The following PAPSS1 variants were observed in gnomAD, a reference collection of about 807,000 sequenced individuals.
PAPSS1 encodes bifunctional 3'-phosphoadenosine 5'-phosphosulfate synthase 1.
In PAPSS1, 50 loss-of-function variants were observed where a neutral mutation model predicts 72.0. The ratio of observed to expected loss-of-function variants is 0.69; its 90% CI spans 0.55 to 0.88. The LOEUF is 0.88. Ranked by LOEUF, PAPSS1 falls within the 40% of genes least tolerant of loss-of-function variation. PAPSS1 has a pLI of 0.00. For synonymous variants in PAPSS1, 261 were observed against 263.6 expected (o/e 0.99, Z 0.09); for missense variants, 657 against 782.2 (o/e 0.84, Z 1.91).
At chr4:107,669,152 C>G (rs1295100465) in intron 5 of PAPSS1, among the ~76,000 whole-genome samples, 1 of 152,134 alleles carries the variant, frequency 6.6e-6, no homozygotes, top group African/African-American at 2.4e-5. Flanking sequence ...TTTGCTACCC[C>G]TGGATAGAGG....
At chr4:107,709,410 G>A (rs1311154138) in intron 1 of PAPSS1, among the ~76,000 whole-genome samples, 1 of 152,148 alleles carries the variant, frequency 6.6e-6, no homozygotes, top group Non-Finnish European at 1.5e-5. Context: ...AACTTTGGGA[G>A]AAATTTAGTT....
chr4:107,691,733 C>A (rs1432336500), intron 3 of PAPSS1, among the ~76,000 whole-genome samples: 1 of 152,106 alleles, frequency 6.6e-6, no homozygotes, highest in Non-Finnish European at 1.5e-5. Flanking sequence ...TTCCTTGTGT[C>A]CCCACTAGGA....
At chr4:107,701,462 C>T (rs895000460) in intron 1 of PAPSS1, among the ~76,000 whole-genome samples, 177 bp from the exon 2 acceptor site, 4 of 151,944 alleles carry the variant, frequency 2.6e-5, no homozygotes, top group Non-Finnish European at 2.9e-5. Flanking sequence ...CACATGCCAA[C>T]TGATTTAATC....
At chr4:107,672,183 C>T (rs1345752559) in intron 5 of PAPSS1, among the ~76,000 whole-genome samples, 1 of 152,122 alleles carries the variant, frequency 6.6e-6, no homozygotes, top group African/African-American at 2.4e-5. Flanking sequence ...ACTGAGGCAC[C>T]GGGCGCATCT....
intron 5 of PAPSS1, among the ~76,000 whole-genome samples, chr4:107,669,945 C>T (rs1344553575): frequency 6.6e-6 from 1 of 152,180 alleles, no homozygotes; most frequent in African/African-American, 2.4e-5. Flanking sequence ...GATGCAGAAT[C>T]CAACATGTCC....
intron 1 of PAPSS1, among the ~76,000 whole-genome samples, chr4:107,703,173 T>C (rs1450699885): frequency 6.6e-6 from 1 of 152,222 alleles, no homozygotes; most frequent in Non-Finnish European, 1.5e-5. Context: ...CTTTTAGGAA[T>C]GTCTATTCAG....
At chr4:107,698,896 C>T (rs1431559072) in intron 2 of PAPSS1, among the ~76,000 whole-genome samples, 1 of 151,832 alleles carries the variant, frequency 6.6e-6, no homozygotes, top group East Asian at 1.9e-4. Flanking sequence ...ACTATTTAAC[C>T]AAAGCCTAAC....
chr4:107,644,673 A>C, intron 10 of PAPSS1, 129 bp downstream of exon 10: 1 of 841,872 alleles, frequency 1.2e-6, no homozygotes. Context: ...AGCAGGAAAG[A>C]ATGTCATGTA....
chr4:107,716,006 A>G (rs185994729), intron 1 of PAPSS1, among the ~76,000 whole-genome samples: 22 of 152,326 alleles, frequency 1.4e-4, no homozygotes, highest in African/African-American at 5.3e-4. Flanking sequence ...ATCCTCCCAC[A>G]TATGGAGCTT....
chr4:107,709,776 C>A (rs1176306887), intron 1 of PAPSS1, among the ~76,000 whole-genome samples: 1 of 152,236 alleles, frequency 6.6e-6, no homozygotes, highest in Non-Finnish European at 1.5e-5. Flanking sequence ...CCCCAACGAA[C>A]TGGCTGCACC....
intron 4 of PAPSS1, among the ~76,000 whole-genome samples, chr4:107,683,531 C>T (rs1722688063): frequency 6.6e-6 from 1 of 152,148 alleles, no homozygotes; most frequent in African/African-American, 2.4e-5. Flanking sequence ...TGCTTACATG[C>T]AGCAAAGCTT....
intron 1 of PAPSS1, among the ~76,000 whole-genome samples, chr4:107,703,792 C>T (rs1723267914): frequency 6.6e-6 from 1 of 152,158 alleles, no homozygotes; most frequent in Non-Finnish European, 1.5e-5. Flanking sequence ...TTAATACCTC[C>T]CGCTTTGTTA....
At chr4:107,673,560 T>A (rs1475669193) in intron 5 of PAPSS1, among the ~76,000 whole-genome samples, 1 of 152,074 alleles carries the variant, frequency 6.6e-6, no homozygotes, top group African/African-American at 2.4e-5. Flanking sequence ...TATGGGACTA[T>A]GTGAAAAGAC....
intron 11 of PAPSS1, among the ~76,000 whole-genome samples, chr4:107,618,739 A>G (rs1407511452): frequency 1.3e-5 from 2 of 152,104 alleles, no homozygotes; most frequent in Non-Finnish European, 2.9e-5. Flanking sequence ...AAAATAATCC[A>G]TCCATGCAGT....
At chr4:107,629,502 A>T (rs1726179202) in intron 11 of PAPSS1, among the ~76,000 whole-genome samples, 1 of 152,224 alleles carries the variant, frequency 6.6e-6, no homozygotes, top group South Asian at 2.1e-4. Context: ...CAAACTTTCC[A>T]CTTGACTGGT....
intron 3 of PAPSS1, 72 bp from the exon 4 acceptor site, chr4:107,687,249 A>C: frequency 8.9e-7 from 1 of 1,126,494 alleles, no homozygotes; most frequent in Non-Finnish European, 1.2e-6. Context: ...AAGATGAGTA[A>C]AAAGTGCTTC....
intron 5 of PAPSS1, 94 bp downstream of exon 5, chr4:107,681,921 C>T (rs1185389546): frequency 3.0e-6 from 2 of 666,414 alleles, no homozygotes; most frequent in Non-Finnish European, 5.4e-6. Context: ...ACAAATGTTA[C>T]TCAATATTAA....
intron 10 of PAPSS1, among the ~76,000 whole-genome samples, chr4:107,634,973 T>C (rs1479069566): frequency 6.6e-6 from 1 of 151,784 alleles, no homozygotes; most frequent in Non-Finnish European, 1.5e-5. Context: ...AATTTTTTTG[T>C]ATTTTTAGTA....
At chr4:107,681,461 C>A (rs949453858) in intron 5 of PAPSS1, among the ~76,000 whole-genome samples, 10 of 152,126 alleles carry the variant, frequency 6.6e-5, no homozygotes, top group African/African-American at 2.4e-4. Context: ...TCTGAAGGAA[C>A]CGTGCACTTG....
Sources: allele counts gnomAD v4.1 joint callset (sites outside exome capture counted in the v4.1 genomes callset), GRCh38; gene constraint gnomAD v4.1.1; transcripts MANE v1.5; gene names NCBI Gene and HGNC (gene_info 2026-07-23, HGNC 2026-07-21).